The following SH2D1A variants were observed in gnomAD, a reference collection of about 807,000 sequenced individuals.
The protein encoded by SH2D1A is SH2 domain containing 1A.
Under a neutral mutation model 10.1 loss-of-function variants are expected in SH2D1A, and 6 were observed. That is an observed-to-expected ratio of 0.60 (90% CI 0.33 to 1.18). SH2D1A has a LOEUF of 1.18. SH2D1A is among the 50% of genes most tolerant of loss of function. SH2D1A has a pLI of 0.04. For synonymous variants in SH2D1A, 42 were observed against 36.9 expected, an observed-to-expected ratio of 1.14 and a Z score of -0.51; for missense variants, 51 against 97.6, an observed-to-expected ratio of 0.52 and a Z score of 2.01.
chrX:124,369,601 G>A (rs988087533), intron 2 of SH2D1A, among the ~76,000 whole-genome samples: 6 of 111,931 alleles, frequency 5.4e-5, no homozygotes, highest in African/African-American at 1.6e-4. Context: ...GAAGAATGGC[G>A]CAGGAAATAT....
chrX:124,352,649 T>C (rs1055601194), intron 1 of SH2D1A, among the ~76,000 whole-genome samples: 1 of 112,087 alleles, frequency 8.9e-6, no homozygotes, highest in African/African-American at 3.2e-5. Context: ...TGTATATGCA[T>C]AGCACATTTT....
At chrX:124,360,151 C>T (rs1294193087) in intron 1 of SH2D1A, among the ~76,000 whole-genome samples, 1 of 110,898 alleles carries the variant, frequency 9.0e-6, no homozygotes, top group African/African-American at 3.3e-5. Flanking sequence ...GGTGATCTGC[C>T]CACCTCAGCC....
At chrX:124,353,192 G>C in intron 1 of SH2D1A, 1 of 155,185 alleles carries the variant, frequency 6.4e-6, no homozygotes, top group East Asian at 1.6e-4. Flanking sequence ...AATAAACTAA[G>C]AATGAATTGT....
At chrX:124,352,954 AAT>A (rs755973214) in intron 1 of SH2D1A, among the ~76,000 whole-genome samples, 2 of 111,530 alleles carry the variant, frequency 1.8e-5, no homozygotes, top group Non-Finnish European at 3.8e-5. Flanking sequence ...TATAGTTAAC[AAT>A]ATCTTATGTA....
At chrX:124,347,375 G>A (rs1047759587) in intron 1 of SH2D1A, among the ~76,000 whole-genome samples, 1 of 110,662 alleles carries the variant, frequency 9.0e-6, no homozygotes, top group Admixed American at 9.6e-5. Flanking sequence ...GAGGGGCAGG[G>A]GATTTCAGAA....
intron 1 of SH2D1A, chrX:124,364,349 G>A (rs2060048461): frequency 8.7e-6 from 2 of 229,477 alleles, no homozygotes; most frequent in African/African-American, 3.0e-5. Context: ...ACAGAGAAAA[G>A]CTTATGGAAT....
chrX:124,365,374 G>A (rs187772629), intron 1 of SH2D1A, among the ~76,000 whole-genome samples: 43 of 110,003 alleles, frequency 3.9e-4, no homozygotes, highest in African/African-American at 1.3e-3. Context: ...CCAGTGAAAT[G>A]TTTTCACCTT....
At chrX:124,368,519 G>A (rs2060061564) in intron 2 of SH2D1A, among the ~76,000 whole-genome samples, 1 of 112,024 alleles carries the variant, frequency 8.9e-6, no homozygotes, top group African/African-American at 3.2e-5. Context: ...CACACTTTAG[G>A]TGTGTATAGT....
chrX:124,360,031 G>A (rs1459384907), intron 1 of SH2D1A, among the ~76,000 whole-genome samples: 2 of 109,948 alleles, frequency 1.8e-5, no homozygotes, highest in Non-Finnish European at 3.8e-5. Context: ...CCAGCCTCCC[G>A]AGTAGCTGGG....
Position 124,350,055 on chromosome X carries a change from GCT to G in SH2D1A, c.137+3279_137+3280del, listed in dbSNP as rs769628836. 3.9e-4 allele frequency among the ~76,000 whole-genome samples: 37 copies of G among 94,753 alleles called. No homozygotes were observed. In the South Asian group the frequency reaches 0.017, roughly 44 times the overall value. 82.3% of individuals were successfully genotyped at this position (94,753 alleles called of 115,157 possible). On this transcript the variant is annotated intron_variant, in intron 1 of 3. Coordinates refer to ENST00000371139, the MANE Select transcript of SH2D1A (RefSeq NM_002351.5). ...GATGAATTGCTTTTTGAGCACGTGT[GCT>G]CTTACAATTGTATTCTTACGAGTGA...
chrX:124,369,940 A>G (rs111631638), intron 2 of SH2D1A, among the ~76,000 whole-genome samples: 1 of 111,485 alleles, frequency 9.0e-6, no homozygotes, highest in Admixed American at 9.5e-5. Flanking sequence ...AGCTTGTACA[A>G]ACTAATACCA....
chrX:124,358,458 T>C (rs1462066874), intron 1 of SH2D1A, among the ~76,000 whole-genome samples: 1 of 112,250 alleles, frequency 8.9e-6, no homozygotes, highest in African/African-American at 3.2e-5. Flanking sequence ...AAAAGGCATA[T>C]TCAATATTTT....
At chrX:124,367,214 C>G (rs1381841855) in intron 2 of SH2D1A, among the ~76,000 whole-genome samples, 1 of 111,987 alleles carries the variant, frequency 8.9e-6, no homozygotes, top group Non-Finnish European at 1.9e-5. Flanking sequence ...AGAAGATTGG[C>G]ATGACATCCG....
intron 1 of SH2D1A, among the ~76,000 whole-genome samples, chrX:124,365,291 C>T (rs1302188253): frequency 1.8e-5 from 2 of 109,771 alleles, no homozygotes; most frequent in African/African-American, 6.6e-5. Context: ...TATCCTTATA[C>T]TATTGCCATT....
chrX:124,371,469 T>G lies in SH2D1A; in HGVS notation c.*78T>G. 1.6e-6 allele frequency: 1 copy of G among 636,783 alleles called. No individual in the cohort carries two copies. The highest frequency in any genetic ancestry group is 3.3e-5 in the South Asian group (1 of 29,895). The allele number at this position is 636,783 out of a possible 1,213,427, so 52.5% of individuals were successfully genotyped here. ...GTCTTATATATTGTAGATAATACAG[T>G]TCGGTGAGCTACAAATGCATTTCTA... On this transcript the variant is annotated 3_prime_UTR_variant, in exon 4 of 4. Coordinates refer to ENST00000371139, the MANE Select transcript of SH2D1A (RefSeq NM_002351.5).
intron 1 of SH2D1A, among the ~76,000 whole-genome samples, chrX:124,363,081 G>T (rs1013478169): frequency 5.4e-5 from 6 of 111,520 alleles, no homozygotes; most frequent in Non-Finnish European, 1.1e-4. Flanking sequence ...GCCATTCAAG[G>T]TATGGTATTT....
chrX:124,367,481 G>C (rs1428287092), intron 2 of SH2D1A: 1 of 112,020 alleles, frequency 8.9e-6, no homozygotes, highest in South Asian at 3.7e-4. Context: ...GAATAGCTGA[G>C]TTCAGTGACA....
At chrX:124,356,535 C>T (rs1233630936) in intron 1 of SH2D1A, among the ~76,000 whole-genome samples, 4 of 112,621 alleles carry the variant, frequency 3.6e-5, no homozygotes, top group Non-Finnish European at 5.6e-5. Flanking sequence ...GCAACCCCTG[C>T]CTTCCAGGCT....
intron 1 of SH2D1A, among the ~76,000 whole-genome samples, chrX:124,363,997 CTG>C (rs1192162562): frequency 3.7e-5 from 4 of 106,704 alleles, no homozygotes; most frequent in Admixed American, 3.0e-4. Flanking sequence ...TAACAAATTA[CTG>C]TGTTACTGGT....
Sources: allele counts gnomAD v4.1 joint callset (sites outside exome capture counted in the v4.1 genomes callset), GRCh38; gene constraint gnomAD v4.1.1; transcripts MANE v1.5; gene names NCBI Gene and HGNC (gene_info 2026-07-23, HGNC 2026-07-21).